Variants in ANKRD30BL observed in about 807,000 individuals in gnomAD.
The protein encoded by ANKRD30BL is ankyrin repeat domain 30B like, also known as putative ankyrin repeat domain-containing protein 30B-like.
Under a neutral mutation model 18.4 loss-of-function variants are expected in ANKRD30BL, and 20 were observed. That is an observed-to-expected ratio of 1.09 (90% CI 0.77 to 1.58). The LOEUF is 1.58. Ranked by LOEUF, ANKRD30BL falls within the 40% of genes most tolerant of loss-of-function variation. The pLI, the probability that ANKRD30BL is intolerant of heterozygous loss-of-function variation, is 0.00. For synonymous variants in ANKRD30BL, 72 were observed against 100.9 expected (o/e 0.71, Z 1.72); for missense variants, 224 against 268.6 (o/e 0.83, Z 1.16).
At chr2:132,247,654 G>A (rs952285113) in intron 1 of ANKRD30BL, among the ~76,000 whole-genome samples, 8 of 151,924 alleles carry the variant, frequency 5.3e-5, no homozygotes, top group African/African-American at 1.9e-4. Flanking sequence ...CAAAAAGACT[G>A]TTTCCAATCT....
chr2:132,173,517 T>A (rs1421479572), intron 1 of ANKRD30BL, among the ~76,000 whole-genome samples: 1 of 152,030 alleles, frequency 6.6e-6, no homozygotes, highest in African/African-American at 2.4e-5. Context: ...CAGGATGGTC[T>A]CGATTTCCTC....
chr2:132,207,959 A>C (rs1679241403), intron 1 of ANKRD30BL, among the ~76,000 whole-genome samples: 1 of 152,160 alleles, frequency 6.6e-6, no homozygotes, highest in Non-Finnish European at 1.5e-5. Flanking sequence ...TCTTATTAGT[A>C]TCCCAATGTG....
chr2:132,211,631 G>C (rs1358918378), intron 1 of ANKRD30BL, among the ~76,000 whole-genome samples: 1 of 150,626 alleles, frequency 6.6e-6, no homozygotes, highest in Non-Finnish European at 1.5e-5. Context: ...TCATCTCACA[G>C]AGTTGAACTT....
intron 1 of ANKRD30BL, among the ~76,000 whole-genome samples, chr2:132,245,910 T>C (rs368538919): frequency 1.3e-5 from 2 of 149,702 alleles, no homozygotes; most frequent in Non-Finnish European, 1.5e-5. Context: ...GTATTTGAAA[T>C]TGGACATTTG....
intron 1 of ANKRD30BL, among the ~76,000 whole-genome samples, chr2:132,241,386 T>C (rs74737643): frequency 9.2e-5 from 14 of 151,920 alleles, no homozygotes; most frequent in Non-Finnish European, 1.9e-4. Context: ...GAAACTTCTT[T>C]GTGATGTTTC....
At chr2:132,210,208 A>C (rs1364240892) in intron 1 of ANKRD30BL, among the ~76,000 whole-genome samples, 1 of 150,302 alleles carries the variant, frequency 6.7e-6, no homozygotes, top group Middle Eastern at 3.4e-3. Flanking sequence ...TTCACATAAA[A>C]ACTAGACAGA....
rs961993830 is a variant in ANKRD30BL, at chr2:132,206,196, G to A, written n.442-49050C>T. Among the ~76,000 whole-genome samples, 6 of 151,700 alleles carry A rather than the reference G, an allele frequency of 4.0e-5. 1 individual carries two copies. The highest frequency in any genetic ancestry group is 3.9e-4 in the East Asian group (2 of 5,172). On this transcript the variant is annotated intron_variant and non_coding_transcript_variant, in intron 1 of 4. Transcript: ENST00000470729. ...AGAAGAGAAGAAAGAAAAGAAGGAC[G>A]GAAGGGATTTTAAAAAGAGATGAGA...
At chr2:132,220,939 T>A (rs1055128255) in intron 1 of ANKRD30BL, among the ~76,000 whole-genome samples, 1 of 131,416 alleles carries the variant, frequency 7.6e-6, no homozygotes, top group African/African-American at 2.9e-5. Flanking sequence ...CCGGCCGCCA[T>A]CCCATCTAGG....
chr2:132,175,549 T>C (rs1688353109), intron 1 of ANKRD30BL, among the ~76,000 whole-genome samples: 1 of 152,222 alleles, frequency 6.6e-6, no homozygotes, highest in Admixed American at 6.5e-5. Context: ...CTATCTCAAC[T>C]GCAAGAGGCT....
chr2:132,248,595 C>A (rs140467575), intron 1 of ANKRD30BL, among the ~76,000 whole-genome samples: 8 of 151,978 alleles, frequency 5.3e-5, no homozygotes, highest in African/African-American at 1.7e-4. Context: ...AATCTTCTGT[C>A]TAGTTTTTAT....
chr2:132,237,592 G>T (rs368528037), intron 1 of ANKRD30BL, among the ~76,000 whole-genome samples: 1 of 151,900 alleles, frequency 6.6e-6, no homozygotes, highest in Non-Finnish European at 1.5e-5. Flanking sequence ...ACAGCTTTGA[G>T]GCCTTCGCTG....
intron 1 of ANKRD30BL, among the ~76,000 whole-genome samples, chr2:132,221,239 A>G (rs1191170641): frequency 4.9e-5 from 6 of 121,700 alleles, no homozygotes; most frequent in African/African-American, 1.4e-4. Flanking sequence ...CCGGGAGGTG[A>G]GGGGCTCCTC....
At chr2:132,214,740 T>C (rs1484090868) in intron 1 of ANKRD30BL, among the ~76,000 whole-genome samples, 1 of 151,966 alleles carries the variant, frequency 6.6e-6, no homozygotes, top group Non-Finnish European at 1.5e-5. Context: ...CTCACAGAGC[T>C]GAACCTTTCT....
chr2:132,185,925 G>A (rs565205497), intron 1 of ANKRD30BL, among the ~76,000 whole-genome samples: 2 of 152,260 alleles, frequency 1.3e-5, no homozygotes, highest in East Asian at 3.9e-4. Context: ...CGGATCACTT[G>A]AGGTCAGAAG....
intron 1 of ANKRD30BL, among the ~76,000 whole-genome samples, chr2:132,167,625 A>C (rs1043324529): frequency 6.6e-6 from 1 of 152,048 alleles, no homozygotes; most frequent in Non-Finnish European, 1.5e-5. Context: ...CTCTTATTTT[A>C]ATTGATCATC....
chr2:132,212,839 C>T (rs896014381), intron 1 of ANKRD30BL, among the ~76,000 whole-genome samples: 1 of 151,122 alleles, frequency 6.6e-6, no homozygotes, highest in Non-Finnish European at 1.5e-5. Context: ...AGCATTCTGA[C>T]AAACTCCTTT....
At chr2:132,183,609 G>C (rs888372451) in intron 1 of ANKRD30BL, among the ~76,000 whole-genome samples, 2 of 152,054 alleles carry the variant, frequency 1.3e-5, no homozygotes, top group African/African-American at 4.8e-5. Context: ...ATGGTAGGGT[G>C]GGGTGGAGAA....
At chr2:132,216,914 G>A (rs550801115) in intron 1 of ANKRD30BL, among the ~76,000 whole-genome samples, 2 of 151,746 alleles carry the variant, frequency 1.3e-5, no homozygotes, top group East Asian at 3.9e-4. Context: ...GTTGGAAATG[G>A]GATATCTTCA....
chr2:132,254,422 G>A (rs111469949), intron 1 of ANKRD30BL, among the ~76,000 whole-genome samples: 1 of 152,176 alleles, frequency 6.6e-6, no homozygotes, highest in Non-Finnish European at 1.5e-5. Context: ...AAGTTCGACT[G>A]TCTTCTCAGC....
Sources: allele counts gnomAD v4.1 joint callset (sites outside exome capture counted in the v4.1 genomes callset), GRCh38; gene constraint gnomAD v4.1.1; transcripts MANE v1.5; gene names NCBI Gene and HGNC (gene_info 2026-07-23, HGNC 2026-07-21).